PVT1: variants seen among roughly 807,000 people sequenced by gnomAD.
PVT1 encodes Pvt1 oncogene.
chr8:127,998,856 C>CCT (rs1330523070), intron 4 of PVT1, among the ~76,000 whole-genome samples: 107 of 128,320 alleles, frequency 8.3e-4, no homozygotes, highest in East Asian at 3.8e-3. Flanking sequence ...TCCCTCCCTC[C>CCT]CTCTCTCTCT....
intron 2 of PVT1, among the ~76,000 whole-genome samples, chr8:127,858,110 G>T (rs1322268164): frequency 6.6e-6 from 1 of 152,196 alleles, no homozygotes; most frequent in Non-Finnish European, 1.5e-5. Context: ...GTGGTCTTAG[G>T]CTGGGTGTGG....
intron 4 of PVT1, among the ~76,000 whole-genome samples, chr8:128,043,748 A>C (rs577490301): frequency 6.8e-6 from 1 of 146,786 alleles, no homozygotes; most frequent in South Asian, 2.1e-4. Context: ...ACTGCTATAT[A>C]GTATTATTTT....
intron 2 of PVT1, among the ~76,000 whole-genome samples, chr8:127,876,667 C>T (rs766110951): frequency 7.9e-5 from 12 of 152,238 alleles, no homozygotes; most frequent in Non-Finnish European, 1.5e-4. Flanking sequence ...TGGGATCTGT[C>T]CTCTAAGCAG....
chr8:127,811,300 G>A (rs1338630106), intron 2 of PVT1, among the ~76,000 whole-genome samples: 1 of 152,172 alleles, frequency 6.6e-6, no homozygotes, highest in East Asian at 1.9e-4. Flanking sequence ...TTTCAGTTAA[G>A]TTTTTAAAGG....
intron 2 of PVT1, among the ~76,000 whole-genome samples, chr8:127,852,536 C>T (rs1391540380): frequency 6.6e-6 from 1 of 152,182 alleles, no homozygotes; most frequent in Non-Finnish European, 1.5e-5. Context: ...TCAGCATCCT[C>T]TTGTGTGAAA....
chr8:128,037,768 G>A (rs148673320), intron 4 of PVT1, among the ~76,000 whole-genome samples: 4 of 152,290 alleles, frequency 2.6e-5, no homozygotes, highest in Non-Finnish European at 5.9e-5. Context: ...AATGCTGCTC[G>A]CGTTGGTGGC....
chr8:127,853,425 C>A (rs1815126508), intron 2 of PVT1, among the ~76,000 whole-genome samples: 1 of 152,108 alleles, frequency 6.6e-6, no homozygotes, highest in Non-Finnish European at 1.5e-5. Flanking sequence ...GCAGCAGAGC[C>A]TTTCCATAGG....
intron 2 of PVT1, among the ~76,000 whole-genome samples, chr8:127,804,502 T>C (rs1177154975): frequency 6.6e-6 from 1 of 151,512 alleles, no homozygotes; most frequent in Non-Finnish European, 1.5e-5. Flanking sequence ...TTTTTATTTT[T>C]TTGTATTATA....
intron 3 of PVT1, among the ~76,000 whole-genome samples, chr8:127,964,731 C>T (rs1024430489): frequency 1.3e-5 from 2 of 152,154 alleles, no homozygotes; most frequent in African/African-American, 4.8e-5. Context: ...TCTCCACGTA[C>T]CTTCTCTATG....
chr8:127,931,683 CACTG>C (rs1816207859), intron 3 of PVT1, among the ~76,000 whole-genome samples: 1 of 152,234 alleles, frequency 6.6e-6, no homozygotes, highest in Non-Finnish European at 1.5e-5. Flanking sequence ...CACTGAGCGG[CACTG>C]CCACCCAACG....
chr8:127,959,130 C>T (rs1403622977), intron 3 of PVT1, among the ~76,000 whole-genome samples: 1 of 152,158 alleles, frequency 6.6e-6, no homozygotes, highest in East Asian at 1.9e-4. Flanking sequence ...TTTGGGATGT[C>T]TTCTGAGTGC....
chr8:127,956,367 T>C (rs888067798), intron 3 of PVT1, among the ~76,000 whole-genome samples: 5 of 152,266 alleles, frequency 3.3e-5, no homozygotes, highest in African/African-American at 1.2e-4. Context: ...TGTCTTTCCA[T>C]ACTGTGTAGG....
intron 3 of PVT1, among the ~76,000 whole-genome samples, chr8:127,951,543 C>A (rs547126243): frequency 6.6e-6 from 1 of 152,160 alleles, no homozygotes. Context: ...TGAATGAATA[C>A]CCCTAGGAGA....
intron 4 of PVT1, among the ~76,000 whole-genome samples, chr8:128,026,924 T>A (rs1813302202): frequency 6.6e-6 from 1 of 152,114 alleles, no homozygotes; most frequent in Admixed American, 6.5e-5. Context: ...GGACCCTGAC[T>A]CCCAGGCCTG....
intron 3 of PVT1, among the ~76,000 whole-genome samples, chr8:127,922,276 A>ACCCC (rs33932004): frequency 1.8e-5 from 2 of 112,174 alleles, no homozygotes; most frequent in African/African-American, 3.5e-5. Flanking sequence ...CAAGATACCC[A>ACCCC]CCCCCCCCCC....
At chr8:127,999,144 A>T (rs977055104) in intron 4 of PVT1, 11 of 152,152 alleles carry the variant, frequency 7.2e-5, no homozygotes, top group African/African-American at 2.7e-4. Context: ...CTTACCTGGC[A>T]GGGGAGATAC....
intron 4 of PVT1, among the ~76,000 whole-genome samples, chr8:128,050,899 A>G (rs1813686466): frequency 6.6e-6 from 1 of 152,334 alleles, no homozygotes; most frequent in Middle Eastern, 3.4e-3. Flanking sequence ...TTTCTGCCAC[A>G]AAGTCATCTT....
At chr8:127,798,406 T>TGAAC (rs1369315889) in intron 2 of PVT1, among the ~76,000 whole-genome samples, 1 of 151,914 alleles carries the variant, frequency 6.6e-6, no homozygotes, top group Non-Finnish European at 1.5e-5. Context: ...AACAGAAAGC[T>TGAAC]GAACATCTTG....
At chr8:128,003,231 C>CTTCCTTCCTTCCTTCT (rs201763926) in intron 4 of PVT1, among the ~76,000 whole-genome samples, 1 of 116,592 alleles carries the variant, frequency 8.6e-6, no homozygotes, top group African/African-American at 3.5e-5. Flanking sequence ...CCCTCCCTTT[C>CTTCCTTCCTTCCTTCT]TTCCTTCCTT....
Sources: gnomAD v4.1 joint callset for allele counts (sites outside exome capture counted in the v4.1 genomes callset) on GRCh38, gnomAD v4.1.1 for gene constraint, MANE v1.5 for transcripts, NCBI Gene and HGNC (gene_info 2026-07-23, HGNC 2026-07-21) for gene names.